FNIP1: variants seen among roughly 807,000 people sequenced by gnomAD.
FNIP1 encodes folliculin-interacting protein 1.
FNIP1 carries 40 observed loss-of-function variants against 124.5 expected under a neutral mutation model. The ratio of observed to expected loss-of-function variants is 0.32; its 90% CI spans 0.25 to 0.42. The LOEUF is 0.42. Among genes scored for constraint, FNIP1 ranks in the 10% least tolerant of loss-of-function variants. The pLI is 1.00. For missense variants in FNIP1, 1,176 were observed against 1,403.7 expected, an observed-to-expected ratio of 0.84 and a Z score of 2.59; for synonymous variants, 472 against 470.6, an observed-to-expected ratio of 1.00 and a Z score of -0.04.
chr5:131,779,642 C>T (rs1268969607), intron 1 of FNIP1, among the ~76,000 whole-genome samples: 172 of 149,274 alleles, frequency 1.2e-3, no homozygotes, highest in African/African-American at 4.1e-3. Flanking sequence ...GAGCCGATAT[C>T]GCACCACTGC....
chr5:131,647,677 C>T lies in FNIP1; in HGVS notation c.3307-472G>A, dbSNP rs140894764. Among the ~76,000 whole-genome samples, 371 of 151,950 alleles carry T rather than the reference C, an allele frequency of 2.4e-3. 1 individual carries two copies. Among genetic ancestry groups the T allele is most frequent in the African/African-American group, 7.9e-3 (328 of 41,474 alleles). On this transcript the variant is annotated intron_variant, in intron 16 of 17. Transcript: ENST00000510461. ...TTTTAATAGAGATGGAGTTTCACCACGTTGGCCAGGCTGGTCTCAAACTCC... is the reference window on the plus strand; with the variant it reads ...TTTTAATAGAGATGGAGTTTCACCATGTTGGCCAGGCTGGTCTCAAACTCC...
chr5:131,736,259 C>T (rs1008678339), intron 2 of FNIP1, among the ~76,000 whole-genome samples: 1 of 152,046 alleles, frequency 6.6e-6, no homozygotes, highest in Non-Finnish European at 1.5e-5. Flanking sequence ...AATGCCAGGC[C>T]TTAATGTACA....
At chr5:131,760,559 C>T (rs1369412950) in intron 1 of FNIP1, among the ~76,000 whole-genome samples, 1 of 152,100 alleles carries the variant, frequency 6.6e-6, no homozygotes. Context: ...GAGGGTCTTA[C>T]TATAGAGTAT....
intron 3 of FNIP1, among the ~76,000 whole-genome samples, chr5:131,722,695 A>AT (rs1769708582): frequency 6.6e-6 from 1 of 152,094 alleles, no homozygotes; most frequent in Non-Finnish European, 1.5e-5. Flanking sequence ...TCAGTTTCAC[A>AT]TTTTTTTGAG....
chr5:131,683,125 T>C (rs1377210426), intron 11 of FNIP1, among the ~76,000 whole-genome samples: 2 of 152,222 alleles, frequency 1.3e-5, no homozygotes, highest in African/African-American at 2.4e-5. Flanking sequence ...ATTATGTCAT[T>C]GTTAATTTTA....
intron 1 of FNIP1, among the ~76,000 whole-genome samples, chr5:131,777,925 T>C (rs1358919573): frequency 6.6e-6 from 1 of 152,196 alleles, no homozygotes; most frequent in Admixed American, 6.5e-5. Context: ...TAATAATTAC[T>C]GTAATCATCA....
At chr5:131,788,564 G>A (rs867078301) in intron 1 of FNIP1, among the ~76,000 whole-genome samples, 24 of 151,890 alleles carry the variant, frequency 1.6e-4, no homozygotes, top group African/African-American at 5.1e-4. Context: ...TTTTGGGCGT[G>A]GTGGCACGTG....
chr5:131,731,549 G>A (rs1770093129), intron 2 of FNIP1, among the ~76,000 whole-genome samples: 1 of 151,916 alleles, frequency 6.6e-6, no homozygotes, highest in African/African-American at 2.4e-5. Flanking sequence ...AGCTTCTTGG[G>A]AGGATGAGGC....
chr5:131,666,127 T>C (rs1039350842), intron 15 of FNIP1, among the ~76,000 whole-genome samples: 8 of 152,070 alleles, frequency 5.3e-5, no homozygotes, highest in Non-Finnish European at 1.2e-4. Flanking sequence ...GACCTCATGA[T>C]CTGCCTACCT....
intron 4 of FNIP1, 103 bp from the exon 5 acceptor site, chr5:131,719,163 G>C (rs925946245): frequency 1.3e-5 from 15 of 1,196,510 alleles, no homozygotes; most frequent in Non-Finnish European, 1.6e-5. Flanking sequence ...TCACAGCATA[G>C]CTGCAAGAGC....
intron 2 of FNIP1, among the ~76,000 whole-genome samples, chr5:131,736,025 C>A (rs553165239): frequency 2.0e-5 from 3 of 152,008 alleles, no homozygotes; most frequent in African/African-American, 7.2e-5. Flanking sequence ...CCTTGGCCTC[C>A]CAAAGTAATC....
chr5:131,709,006 C>T (rs893929095), intron 8 of FNIP1, among the ~76,000 whole-genome samples, 195 bp downstream of exon 8: 2 of 152,038 alleles, frequency 1.3e-5, no homozygotes, highest in Non-Finnish European at 2.9e-5. Context: ...TTCATCCTGG[C>T]TTTATCCTAC....
chr5:131,762,010 G>A (rs550209537), intron 1 of FNIP1, among the ~76,000 whole-genome samples: 1 of 152,224 alleles, frequency 6.6e-6, no homozygotes, highest in Admixed American at 6.5e-5. Flanking sequence ...TTTGAGAAAG[G>A]ACAGTCTCTT....
intron 15 of FNIP1, among the ~76,000 whole-genome samples, chr5:131,657,019 C>CCT (rs1355982734): frequency 3.6e-4 from 32 of 89,634 alleles, no homozygotes; most frequent in African/African-American, 1.4e-3. Context: ...CCACCCATGC[C>CCT]TTTTTTTTTT....
chr5:131,789,468 G>GA (rs1772327121), intron 1 of FNIP1, among the ~76,000 whole-genome samples: 1 of 152,058 alleles, frequency 6.6e-6, no homozygotes, highest in Admixed American at 6.5e-5. Context: ...CACTGCAAGT[G>GA]AAAAAATAAC....
chr5:131,658,770 G>A (rs1163244903), intron 15 of FNIP1, among the ~76,000 whole-genome samples: 2 of 151,754 alleles, frequency 1.3e-5, no homozygotes, highest in South Asian at 2.1e-4. Flanking sequence ...TGCATTTCAC[G>A]ATATTTGGAA....
In FNIP1 at chr5:131,706,438, C is replaced by G. The variant is rs1769114892; in HGVS notation, c.887G>C (p.Ser296Thr). 1 of 1,612,828 alleles carries G rather than the reference C, an allele frequency of 6.2e-7. No individual in the cohort carries two copies. Residue 296 changes from serine to threonine, a missense_variant, in exon 9 of 18, where the codon AGT becomes ACT. Ser to Thr is a moderately conservative substitution (Grantham distance 58). Around this residue, in one of 2 missense-constraint regions of FNIP1, gnomAD observed 1,109 missense variants for 1,288.5 expected, o/e 0.86. Coordinates refer to ENST00000510461, the MANE Select transcript of FNIP1 (RefSeq NM_133372.3). ...TCTAGGAAATACCCCATTTTCCAAA[C>G]TTGTTGTTTGGCTGCGTCGCCAACG... Reference protein sequence around the residue: ...QRRWRRSQTTSLENGVFPRWS... With the variant: ...QRRWRRSQTTTLENGVFPRWS...
At chr5:131,786,969 T>C (rs1308892601) in intron 1 of FNIP1, among the ~76,000 whole-genome samples, 2 of 152,212 alleles carry the variant, frequency 1.3e-5, no homozygotes, top group African/African-American at 4.8e-5. Context: ...TACTATGCCA[T>C]TTAATCCTCA....
intron 16 of FNIP1, 115 bp downstream of exon 16, chr5:131,651,687 T>C (rs1025285712): frequency 4.9e-5 from 45 of 909,996 alleles, no homozygotes; most frequent in Non-Finnish European, 7.3e-5. Context: ...CTTCAATATA[T>C]GAGTTCGGGT....
Sources: allele counts gnomAD v4.1 joint callset (sites outside exome capture counted in the v4.1 genomes callset), GRCh38; gene constraint gnomAD v4.1.1; regional missense constraint gnomAD v4.1.1; transcripts MANE v1.5; gene names NCBI Gene and HGNC (gene_info 2026-07-23, HGNC 2026-07-21).